The following MS4A2 variants were observed in gnomAD, a reference collection of about 807,000 sequenced individuals.
The protein encoded by MS4A2 is membrane spanning 4-domains A2, also known as high affinity immunoglobulin epsilon receptor subunit beta.
In MS4A2, 26 loss-of-function variants were observed where a neutral mutation model predicts 27.9. The observed-to-expected ratio is 0.93, with a 90% CI of 0.68 to 1.29. The LOEUF is 1.29. Among genes scored for constraint, MS4A2 ranks in the 50% most tolerant of loss-of-function variants. MS4A2 has a pLI of 0.00. For missense variants in MS4A2, 284 were observed against 284.6 expected, an observed-to-expected ratio of 1.00 and a Z score of 0.01; for synonymous variants, 110 against 98.8, an observed-to-expected ratio of 1.11 and a Z score of -0.67.
intron 3 of MS4A2, among the ~76,000 whole-genome samples, chr11:60,092,296 C>T (rs1321321766): frequency 7.1e-6 from 1 of 139,918 alleles, no homozygotes; most frequent in Non-Finnish European, 1.6e-5. Context: ...TTCATATACA[C>T]TTTTTTTTTT....
chr11:60,093,597 G>A (rs778792097), intron 5 of MS4A2, 39 bp downstream of exon 5: 7 of 1,612,370 alleles, frequency 4.3e-6, no homozygotes, highest in Non-Finnish European at 5.1e-6. Flanking sequence ...TAAGATTCTG[G>A]GTCCTAATGT....
intron 3 of MS4A2, among the ~76,000 whole-genome samples, chr11:60,091,854 G>A (rs1377878122): frequency 1.3e-5 from 2 of 152,090 alleles, no homozygotes; most frequent in Non-Finnish European, 2.9e-5. Flanking sequence ...TTCAAACACA[G>A]CTTATGAGGT....
At position 60,095,675 on chromosome 11, in the gene MS4A2, ACT is replaced by A; in HGVS notation, c.*22_*23del. On this transcript the variant is annotated 3_prime_UTR_variant, in exon 7 of 7. Coordinates refer to ENST00000278888, the MANE Select transcript of MS4A2 (RefSeq NM_000139.5). ...TTTATAAGAATCACGTGTCCAGAAC[ACT>A]CTGATTCACAGCCAAGGATCCAGAA... is the stretch of plus-strand genomic sequence containing the variant. 3 of 1,521,684 alleles carry A rather than the reference ACT, an allele frequency of 2.0e-6. No homozygotes were observed. Among genetic ancestry groups the A allele is most frequent in the Non-Finnish European group, 2.7e-6 (3 of 1,096,162 alleles). 94.3% of individuals were successfully genotyped at this position (1,521,684 alleles called of 1,614,324 possible).
rs1855791571 is a variant in MS4A2, at chr11:60,092,862, T to G, written c.378+14T>G. 1 of 1,612,038 alleles carries G rather than the reference T, an allele frequency of 6.2e-7. No homozygotes were observed. Among genetic ancestry groups the G allele is most frequent in the Non-Finnish European group, 8.5e-7 (1 of 1,178,388 alleles). ...GCAACATATCTGGTGAGTTGCCCGT[T>G]TCTGTCTTTGTCCATCCTTGAAAAG... On this transcript the variant is annotated intron_variant, in intron 4 of 6. Transcript: ENST00000278888.
intron 5 of MS4A2, 71 bp downstream of exon 5, chr11:60,093,629 T>C: frequency 6.4e-7 from 1 of 1,569,170 alleles, no homozygotes; most frequent in Non-Finnish European, 8.8e-7. Flanking sequence ...CCTCTTCTCC[T>C]GTTCCATGAA....
In MS4A2 at chr11:60,093,269, T is replaced by A. The variant is rs115347744; in HGVS notation, c.379-131T>A. On this transcript the variant is annotated intron_variant, in intron 4 of 6. Transcript: ENST00000278888. ...TTAAACAATGCGGACATTTTCAGGG[T>A]TTCCCTTTTTAACCAAAATTTGGAA... 2.9e-5 allele frequency: 33 copies of A among 1,126,032 alleles called. No homozygotes were observed. In the African/African-American group the frequency reaches 5.0e-4, roughly 17 times the overall value. The allele number at this position is 1,126,032 out of a possible 1,614,324, so 69.8% of individuals were successfully genotyped here.
intron 3 of MS4A2, among the ~76,000 whole-genome samples, chr11:60,092,497 T>A (rs991399038): frequency 3.3e-5 from 5 of 152,026 alleles, no homozygotes; most frequent in Admixed American, 6.6e-5. Context: ...GGTTTCACCA[T>A]TTTGGTCAGG....
At chr11:60,090,892 C>T (rs1187424916) in intron 3 of MS4A2, among the ~76,000 whole-genome samples, 3 of 152,162 alleles carry the variant, frequency 2.0e-5, no homozygotes, top group Non-Finnish European at 4.4e-5. Context: ...TGGCTCACAC[C>T]CGTAATCCCA....
At position 60,088,849 on chromosome 11, in the gene MS4A2, C is replaced by T. The variant is rs17860447; in HGVS notation, c.56+28C>T. ...AGGTACAAGGTATTATTTTTTTCTA[C>T]CCTCAGTCACTTAGTGGCAGGGGAA... On this transcript the variant is annotated intron_variant, in intron 1 of 6. Coordinates refer to ENST00000278888, the MANE Select transcript of MS4A2 (RefSeq NM_000139.5). 7,026 of 1,596,530 alleles carry T rather than the reference C, an allele frequency of 4.4e-3. 22 individuals are homozygous for T. Among genetic ancestry groups the T allele is most frequent in the South Asian group, 5.0e-3 (443 of 89,034 alleles).
intron 1 of MS4A2, 69 bp downstream of exon 1, chr11:60,088,890 C>A: frequency 6.9e-7 from 1 of 1,449,854 alleles, no homozygotes; most frequent in Non-Finnish European, 9.6e-7. Flanking sequence ...AGTCACGGTG[C>A]TTAGGAGATG....
intron 4 of MS4A2, 30 bp from the exon 5 acceptor site, chr11:60,093,370 C>T: frequency 6.2e-7 from 1 of 1,613,980 alleles, no homozygotes; most frequent in Non-Finnish European, 8.5e-7. Context: ...AAGTGCAGGC[C>T]CAGGTCTGAG....
At chr11:60,095,256 C>T (rs779774461) in intron 6 of MS4A2, among the ~76,000 whole-genome samples, 1 of 152,068 alleles carries the variant, frequency 6.6e-6, no homozygotes, top group African/African-American at 2.4e-5. Context: ...TAGTGAGATT[C>T]TGTCTCAAAA....
At chr11:60,090,885 C>T (rs1256087837) in intron 3 of MS4A2, among the ~76,000 whole-genome samples, 1 of 152,210 alleles carries the variant, frequency 6.6e-6, no homozygotes, top group African/African-American at 2.4e-5. Context: ...GGCATGGTGG[C>T]TCACACCCGT....
At chr11:60,092,633 T>C (rs1855785784) in intron 3 of MS4A2, among the ~76,000 whole-genome samples, 159 bp from the exon 4 acceptor site, 1 of 152,162 alleles carries the variant, frequency 6.6e-6, no homozygotes, top group South Asian at 2.1e-4. Context: ...AAGCACTCTA[T>C]AGAAAATAAG....
chr11:60,091,492 G>T (rs1855757302), intron 3 of MS4A2, among the ~76,000 whole-genome samples: 1 of 152,074 alleles, frequency 6.6e-6, no homozygotes. Context: ...ATTTCCAAAA[G>T]CTTCCCTGTG....
At chr11:60,094,504 A>G (rs1186655235) in intron 6 of MS4A2, among the ~76,000 whole-genome samples, 1 of 152,134 alleles carries the variant, frequency 6.6e-6, no homozygotes, top group African/African-American at 2.4e-5. Context: ...TGACTACCAA[A>G]TGTTTCCACT....
intron 2 of MS4A2, 31 bp downstream of exon 2, chr11:60,089,852 G>C (rs1001255830): frequency 6.2e-7 from 1 of 1,613,186 alleles, no homozygotes; most frequent in African/African-American, 1.3e-5. Context: ...TTTGACTAGA[G>C]TAAGGGTTGG....
Position 60,095,956 on chromosome 11 carries a change from C to A in MS4A2, c.*300C>A. 5.0e-5 allele frequency: 14 copies of A among 278,746 alleles called. No individual in the cohort carries two copies. Among genetic ancestry groups the A allele is most frequent in the South Asian group, 2.6e-4 (5 of 19,278 alleles). The allele number at this position is 278,746 out of a possible 1,614,324, so 17.3% of individuals were successfully genotyped here. On this transcript the variant is annotated 3_prime_UTR_variant, in exon 7 of 7. Transcript: ENST00000278888. The stretch of plus-strand genomic sequence containing the variant: ...CTGTTTGATTATAACTGTGCAAATA[C>A]AGAAAAAAAGAAGGCTGGCTGAAAG...
rs910272453 is a variant in MS4A2 at position 60,097,901 on chromosome 11, C to T, written c.*2245C>T. The T allele has an allele frequency of 2.6e-5, 4 of 152,238 alleles. No individual in the cohort carries two copies. Among genetic ancestry groups the T allele is most frequent in the Admixed American group, 1.3e-4 (2 of 15,280 alleles). 9.4% of individuals were successfully genotyped at this position (152,238 alleles called of 1,614,324 possible). The stretch of plus-strand genomic sequence containing the variant: ...TTGACAGCAGAATAAAAACCCTACC[C>T]TTTCACTGTGTATCATGCTAAGCTG... On this transcript the variant is annotated 3_prime_UTR_variant, in exon 7 of 7. Transcript: ENST00000278888.
Sources: allele counts gnomAD v4.1 joint callset (sites outside exome capture counted in the v4.1 genomes callset), GRCh38; gene constraint gnomAD v4.1.1; transcripts MANE v1.5; gene names NCBI Gene and HGNC (gene_info 2026-07-23, HGNC 2026-07-21).